The following PLXNA4 variants were observed in gnomAD, a reference collection of about 807,000 sequenced individuals.
PLXNA4 encodes the protein plexin-A4.
Under a neutral mutation model 191.8 loss-of-function variants are expected in PLXNA4, and 44 were observed. The ratio of observed to expected loss-of-function variants is 0.23; its 90% confidence interval spans 0.18 to 0.29. PLXNA4 has a LOEUF of 0.29. Ranked by LOEUF, PLXNA4 falls within the 10% of genes least tolerant of loss-of-function variation. The pLI is 1.00. For synonymous variants in PLXNA4, 1,082 were observed against 1,009.5 expected, an observed-to-expected ratio of 1.07 and a Z score of -1.36; for missense variants, 1,800 against 2,488.8, an observed-to-expected ratio of 0.72 and a Z score of 5.89.
chr7:132,163,118 C>G (rs1362814050), intron 24 of PLXNA4, among the ~76,000 whole-genome samples: 1 of 152,156 alleles, frequency 6.6e-6, no homozygotes, highest in East Asian at 1.9e-4. Flanking sequence ...CAACACTCAG[C>G]TTTTATCTTT....
intron 4 of PLXNA4, among the ~76,000 whole-genome samples, chr7:132,286,336 G>A (rs1350750743): frequency 6.6e-6 from 1 of 152,190 alleles, no homozygotes; most frequent in African/African-American, 2.4e-5. Flanking sequence ...CCACCCTGTG[G>A]AGTCTCCTCA....
At chr7:132,424,101 C>T (rs2288973) in intron 3 of PLXNA4, among the ~76,000 whole-genome samples, 4,182 of 152,182 alleles carry the variant, frequency 0.027, 238 homozygotes, top group East Asian at 0.27. Flanking sequence ...AAGGCTGAGA[C>T]GTTGAAAGGC....
chr7:132,601,172 G>A (rs1350682960), intron 2 of PLXNA4, among the ~76,000 whole-genome samples: 1 of 151,794 alleles, frequency 6.6e-6, no homozygotes, highest in Non-Finnish European at 1.5e-5. Context: ...CACATGGGAG[G>A]GTTCAGTAAA....
At chr7:132,436,318 T>C (rs1417726746) in intron 3 of PLXNA4, among the ~76,000 whole-genome samples, 1 of 152,210 alleles carries the variant, frequency 6.6e-6, no homozygotes, top group Non-Finnish European at 1.5e-5. Flanking sequence ...GGTTTATATT[T>C]TAAGCAGCTA....
intron 3 of PLXNA4, among the ~76,000 whole-genome samples, chr7:132,414,891 A>C (rs1484570354): frequency 2.0e-5 from 3 of 152,184 alleles, no homozygotes; most frequent in Non-Finnish European, 4.4e-5. Context: ...TCCATTTCCT[A>C]GTTGTAACTA....
At chr7:132,334,171 A>C (rs1411431048) in intron 3 of PLXNA4, among the ~76,000 whole-genome samples, 3 of 151,876 alleles carry the variant, frequency 2.0e-5, no homozygotes, top group African/African-American at 7.3e-5. Flanking sequence ...TGCACAGAGA[A>C]GTCTCATGAT....
intron 3 of PLXNA4, among the ~76,000 whole-genome samples, chr7:132,344,509 T>C (rs1239422736): frequency 6.6e-6 from 1 of 152,130 alleles, no homozygotes; most frequent in Non-Finnish European, 1.5e-5. Context: ...CCTTGCCTAC[T>C]TCCTGCACCC....
intron 4 of PLXNA4, among the ~76,000 whole-genome samples, chr7:132,270,925 A>C (rs571016098): frequency 6.6e-6 from 1 of 152,350 alleles, no homozygotes; most frequent in South Asian, 2.1e-4. Flanking sequence ...AGTGGAGATG[A>C]GTAGTACTCA....
intron 2 of PLXNA4, among the ~76,000 whole-genome samples, chr7:132,643,133 G>A (rs1199033922): frequency 6.6e-6 from 1 of 152,096 alleles, no homozygotes; most frequent in African/African-American, 2.4e-5. Flanking sequence ...AAGTGGAAGG[G>A]CAGCTCATGT....
Position 132,339,670 on chromosome 7 carries a change from T to C in PLXNA4, c.1372-41448A>G, listed in dbSNP as rs367635838. Among the ~76,000 whole-genome samples the C allele has an allele frequency of 2.7e-4, 41 of 152,274 alleles. 1 individual carries two copies. The East Asian group carries it at 7.7e-3, about 29-fold the overall frequency. ...TAATATAACCTCTCTCCCCCTGTTC[T>C]CTCCTTGCCCCACCCTGGATACAAT... On this transcript the variant is annotated intron_variant, in intron 3 of 31. Coordinates refer to ENST00000321063, the MANE Select transcript of PLXNA4 (RefSeq NM_020911.2).
chr7:132,152,745 C>G (rs1398814404), intron 25 of PLXNA4, among the ~76,000 whole-genome samples: 1 of 152,206 alleles, frequency 6.6e-6, no homozygotes, highest in Non-Finnish European at 1.5e-5. Flanking sequence ...CTGGAAAATA[C>G]CTCCCAGGCA....
chr7:132,326,220 G>T (rs117995723), intron 3 of PLXNA4, among the ~76,000 whole-genome samples: 2 of 152,244 alleles, frequency 1.3e-5, no homozygotes, highest in East Asian at 3.9e-4. Context: ...TTCTGCCTTT[G>T]AACTTGGACT....
chr7:132,552,733 G>A (rs1800615996), intron 1 of PLXNA4, among the ~76,000 whole-genome samples: 1 of 152,174 alleles, frequency 6.6e-6, no homozygotes, highest in Non-Finnish European at 1.5e-5. Flanking sequence ...CAAAACACTG[G>A]ACAGAAGAAA....
rs1450068916 is a variant in PLXNA4 at position 132,123,935 on chromosome 7, TTGTC to T, written c.*6540_*6543del. On this transcript the variant is annotated 3_prime_UTR_variant, in exon 32 of 32. Transcript: ENST00000321063. ...CCCCACACGTCGGCTCGCTGAGCCA[TTGTC>T]TGTTGTGGTACCCTGGAGTTGCTGG... is the stretch of plus-strand genomic sequence containing the variant. 6.6e-6 allele frequency: 1 copy of T among 152,208 alleles called. No individual in the cohort carries two copies. The highest frequency in any genetic ancestry group is 1.5e-5 in the Non-Finnish European group (1 of 68,076). 9.4% of individuals were successfully genotyped at this position (152,208 alleles called of 1,614,324 possible). A position where few individuals can be genotyped will look rare whatever the true frequency, so the allele number is the denominator to read the frequency against.
intron 27 of PLXNA4, among the ~76,000 whole-genome samples, chr7:132,147,273 G>A (rs1795462819): frequency 6.6e-6 from 1 of 152,218 alleles, no homozygotes; most frequent in African/African-American, 2.4e-5. Context: ...CTGTGTGCAG[G>A]CACTATTCTC....
intron 3 of PLXNA4, among the ~76,000 whole-genome samples, chr7:132,451,657 A>G (rs891823329): frequency 6.6e-6 from 1 of 152,190 alleles, no homozygotes; most frequent in Non-Finnish European, 1.5e-5. Flanking sequence ...CTGAGCTGTC[A>G]TTGAAATATC....
At chr7:132,576,498 C>A, upstream of PLXNA4, 2 of 985,274 alleles carry the variant, frequency 2.0e-6, no homozygotes, top group Non-Finnish European at 2.4e-6. This position sits in a 1 kb window ranked among gnomAD's most constrained non-coding sequence, Gnocchi z 5.8. Flanking sequence ...CGCTGCCTCT[C>A]GCCCTCCTCT....
chr7:132,217,432 G>A (rs1221808632), intron 9 of PLXNA4, among the ~76,000 whole-genome samples: 1 of 152,162 alleles, frequency 6.6e-6, no homozygotes, highest in Non-Finnish European at 1.5e-5. Flanking sequence ...CAAAATGAGG[G>A]CTTTAATTCT....
chr7:132,215,954 C>T (rs73723745), intron 9 of PLXNA4, among the ~76,000 whole-genome samples: 1 of 152,162 alleles, frequency 6.6e-6, no homozygotes, highest in African/African-American at 2.4e-5. Flanking sequence ...GCTGTTATAA[C>T]AAATTATCCA....
Sources: gnomAD v4.1 joint callset for allele counts (sites outside exome capture counted in the v4.1 genomes callset) on GRCh38, gnomAD v4.1.1 for gene constraint, Gnocchi (gnomAD v3.1) non-coding constraint, MANE v1.5 for transcripts, NCBI Gene and HGNC (gene_info 2026-07-23, HGNC 2026-07-21) for gene names.